Variants in GSG1L observed in about 807,000 individuals in gnomAD.
GSG1L encodes germ cell-specific gene 1-like protein.
In GSG1L, 24 loss-of-function variants were observed where a neutral mutation model predicts 42.1. The ratio of observed to expected loss-of-function variants is 0.57; its 90% CI spans 0.41 to 0.80. The LOEUF (loss-of-function observed/expected upper bound fraction) is 0.80, where lower values mean the gene tolerates loss of function less well. Ranked by LOEUF, GSG1L falls within the 30% of genes least tolerant of loss-of-function variation. GSG1L has a pLI of 0.00. For missense variants in GSG1L, 445 were observed against 472.2 expected (o/e 0.94, Z 0.53); for synonymous variants, 215 against 203.5 (o/e 1.06, Z -0.48).
At chr16:27,981,925 C>G (rs1039297513) in intron 1 of GSG1L, among the ~76,000 whole-genome samples, 2 of 152,224 alleles carry the variant, frequency 1.3e-5, no homozygotes, top group Non-Finnish European at 2.9e-5. Flanking sequence ...CATACAAGCT[C>G]TGTGACCCAG....
Position 27,865,608 on chromosome 16 carries a change from TAC to T in GSG1L, c.550+18876_550+18877del, listed in dbSNP as rs574859801. On this transcript the variant is annotated intron_variant, in intron 3 of 6. Coordinates refer to ENST00000447459, the MANE Select transcript of GSG1L (RefSeq NM_001109763.2). ...ATACATACATACACACACATATATA[TAC>T]ACACACACACATATATATGTGTGTA... Among the ~76,000 whole-genome samples the T allele has an allele frequency of 1.9e-3, 257 of 137,972 alleles. 1 individual carries two copies. The highest frequency in any genetic ancestry group is 6.2e-3 in the African/African-American group (237 of 38,510). 90.5% of individuals were successfully genotyped at this position (137,972 alleles called of 152,430 possible). A position where few individuals can be genotyped will look rare whatever the true frequency, so the allele number is the denominator to read the frequency against.
chr16:27,884,816 G>A lies in GSG1L; in HGVS notation c.398-178C>T, dbSNP rs149219565. Among the ~76,000 whole-genome samples, 3 of 152,348 alleles carry A rather than the reference G, an allele frequency of 2.0e-5. No homozygotes were observed. The East Asian group carries it at 5.8e-4, about 29-fold the overall frequency. On this transcript the variant is annotated intron_variant, in intron 2 of 6. Transcript: ENST00000447459. The surrounding 1 kb of genome is among the most constrained non-coding windows in gnomAD (Gnocchi z 4.4). ...GTCCCATCCTTGTCTGCAGGGGCCGGCTCAGGGACCGAAGCTTAAGTCAGC... is the reference window on the plus strand; with the variant it reads ...GTCCCATCCTTGTCTGCAGGGGCCGACTCAGGGACCGAAGCTTAAGTCAGC...
intron 1 of GSG1L, among the ~76,000 whole-genome samples, chr16:28,044,633 T>C (rs1168012432): frequency 6.6e-6 from 1 of 151,426 alleles, no homozygotes; most frequent in African/African-American, 2.4e-5. Flanking sequence ...CTTTTTTTTT[T>C]TTTTTTTTGA....
At chr16:28,008,029 C>T (rs1452645494) in intron 1 of GSG1L, among the ~76,000 whole-genome samples, 2 of 152,144 alleles carry the variant, frequency 1.3e-5, no homozygotes, top group Non-Finnish European at 2.9e-5. Flanking sequence ...TCCAGCCCAT[C>T]GCCACTGGAG....
rs2082982056 is a variant in GSG1L, at chr16:27,807,608, G to C, written c.831-54C>G. ...TCCTAGGTAGGAAAGAGAAGGATGAGTGGGCAGAGACCCAAAACCTGAAAA... is the reference window on the plus strand; with the variant it reads ...TCCTAGGTAGGAAAGAGAAGGATGACTGGGCAGAGACCCAAAACCTGAAAA... On this transcript the variant is annotated intron_variant, in intron 5 of 6. Coordinates refer to ENST00000447459, the MANE Select transcript of GSG1L (RefSeq NM_001109763.2). 6.0e-6 allele frequency: 9 copies of C among 1,503,296 alleles called. No homozygotes were observed. In the South Asian group the frequency reaches 9.3e-5, roughly 16 times the overall value. 93.1% of individuals were successfully genotyped at this position (1,503,296 alleles called of 1,614,324 possible).
At chr16:27,954,775 T>C (rs2084987260) in intron 2 of GSG1L, among the ~76,000 whole-genome samples, 1 of 152,184 alleles carries the variant, frequency 6.6e-6, no homozygotes, top group African/African-American at 2.4e-5. Context: ...CATTTCAGCC[T>C]TCTGAGTAGC....
chr16:27,980,578 T>G (rs1432984724), intron 1 of GSG1L, among the ~76,000 whole-genome samples: 1 of 152,176 alleles, frequency 6.6e-6, no homozygotes, highest in Non-Finnish European at 1.5e-5. Flanking sequence ...CACACCCATT[T>G]TACAGATGAA....
intron 3 of GSG1L, among the ~76,000 whole-genome samples, chr16:27,872,327 A>G (rs1032484740): frequency 9.2e-5 from 14 of 152,226 alleles, no homozygotes; most frequent in Non-Finnish European, 1.9e-4. Context: ...CCGTATGGAC[A>G]TGGATGGCCA....
chr16:28,015,736 A>G (rs1026211933), intron 1 of GSG1L, among the ~76,000 whole-genome samples: 1 of 152,258 alleles, frequency 6.6e-6, no homozygotes, highest in African/African-American at 2.4e-5. Flanking sequence ...TTAAGTAGTC[A>G]GGAACAAGTA....
intron 1 of GSG1L, among the ~76,000 whole-genome samples, chr16:28,008,157 G>A (rs2085667535): frequency 6.6e-6 from 1 of 152,068 alleles, no homozygotes; most frequent in African/African-American, 2.4e-5. Flanking sequence ...TCCGCTCACT[G>A]CAACCTCCGC....
chr16:27,982,019 A>G (rs886840745), intron 1 of GSG1L, among the ~76,000 whole-genome samples: 2 of 152,198 alleles, frequency 1.3e-5, no homozygotes, highest in African/African-American at 4.8e-5. Context: ...TGGCAGAAAC[A>G]GCTAGCTATC....
At chr16:27,800,658 G>A (rs1005411945) in intron 6 of GSG1L, among the ~76,000 whole-genome samples, 4 of 152,128 alleles carry the variant, frequency 2.6e-5, no homozygotes, top group African/African-American at 4.8e-5. Flanking sequence ...TATCACAGTA[G>A]CCCCCCAGAA....
intron 4 of GSG1L, among the ~76,000 whole-genome samples, chr16:27,837,948 G>A (rs1045648883): frequency 6.6e-6 from 1 of 151,736 alleles, no homozygotes. Context: ...TCAGCAATGT[G>A]TCGTTTCTTG....
intron 5 of GSG1L, among the ~76,000 whole-genome samples, chr16:27,816,737 T>C (rs180769531): frequency 6.6e-6 from 1 of 152,032 alleles, no homozygotes; most frequent in Non-Finnish European, 1.5e-5. Context: ...TCCTGGTAGC[T>C]CCAACCCTGC....
intron 2 of GSG1L, among the ~76,000 whole-genome samples, chr16:27,937,711 AAAG>A (rs2084734786): frequency 6.6e-6 from 1 of 152,148 alleles, no homozygotes; most frequent in Non-Finnish European, 1.5e-5. Context: ...GGGTTTTAGA[AAAG>A]AAGAAAAATT....
chr16:27,948,785 AT>A (rs1267993491), intron 2 of GSG1L, among the ~76,000 whole-genome samples: 3 of 142,046 alleles, frequency 2.1e-5, no homozygotes, highest in Non-Finnish European at 3.1e-5. Context: ...AATTTTTTGT[AT>A]TTTTAGTAGA....
chr16:28,008,423 C>T (rs977827495), intron 1 of GSG1L, among the ~76,000 whole-genome samples: 2 of 152,142 alleles, frequency 1.3e-5, no homozygotes, highest in Non-Finnish European at 2.9e-5. Context: ...CTTCCTTGGC[C>T]TCTTGAACCT....
intron 1 of GSG1L, among the ~76,000 whole-genome samples, chr16:28,056,017 CA>C (rs2141199605): frequency 6.6e-6 from 1 of 152,236 alleles, no homozygotes; most frequent in South Asian, 2.1e-4. Flanking sequence ...GAACATCTGA[CA>C]AGTCCACGGG....
intron 2 of GSG1L, among the ~76,000 whole-genome samples, chr16:27,946,647 GAAAGAAAGAAA>G (rs2084873082): frequency 4.7e-5 from 1 of 21,338 alleles, no homozygotes; most frequent in African/African-American, 1.7e-4. Context: ...AAGAAAGAAA[GAAAGAAAGAAA>G]AGAAAGAAAG....
Sources: allele counts gnomAD v4.1 joint callset (sites outside exome capture counted in the v4.1 genomes callset), GRCh38; gene constraint gnomAD v4.1.1; non-coding constraint Gnocchi (gnomAD v3.1); transcripts MANE v1.5; gene names NCBI Gene and HGNC (gene_info 2026-07-23, HGNC 2026-07-21).